Variants in PLXDC2 observed in about 807,000 individuals in gnomAD.
PLXDC2 encodes plexin domain containing 2, also known as plexin domain-containing protein 2.
In PLXDC2, 40 loss-of-function variants were observed where a neutral mutation model predicts 68.9. The ratio of observed to expected loss-of-function variants is 0.58; its 90% CI spans 0.45 to 0.76. The LOEUF is 0.76. Ranked by LOEUF, PLXDC2 falls within the 30% of genes least tolerant of loss-of-function variation. The probability of loss-of-function intolerance (pLI) is 0.00; values close to 1 mark genes in which losing one functional copy is unlikely to be tolerated. For missense variants in PLXDC2, 644 were observed against 661.9 expected, an observed-to-expected ratio of 0.97 and a Z score of 0.30; for synonymous variants, 243 against 234.2, an observed-to-expected ratio of 1.04 and a Z score of -0.34.
chr10:20,108,655 G>A (rs1024035203), intron 4 of PLXDC2, among the ~76,000 whole-genome samples: 1 of 152,158 alleles, frequency 6.6e-6, no homozygotes, highest in Admixed American at 6.5e-5. Flanking sequence ...GTTATTATCA[G>A]TATTAAATTT....
At chr10:20,100,303 T>G (rs1417646466) in intron 4 of PLXDC2, among the ~76,000 whole-genome samples, 1 of 152,180 alleles carries the variant, frequency 6.6e-6, no homozygotes, top group Non-Finnish European at 1.5e-5. Context: ...CAGAGGAGTT[T>G]GTAGTGAAGT....
At chr10:19,917,600 A>G (rs1833392160) in intron 1 of PLXDC2, among the ~76,000 whole-genome samples, 1 of 152,188 alleles carries the variant, frequency 6.6e-6, no homozygotes, top group Admixed American at 6.5e-5. Flanking sequence ...ACATATGTTC[A>G]GTCTGAATTT....
At chr10:20,068,356 C>A in intron 4 of PLXDC2, 117 bp downstream of exon 4, 1 of 923,354 alleles carries the variant, frequency 1.1e-6, no homozygotes, top group South Asian at 1.8e-5. Context: ...TGTGTTTTAT[C>A]ACAAAGTCAT....
intron 1 of PLXDC2, among the ~76,000 whole-genome samples, chr10:20,000,434 AG>A (rs780438336): frequency 9.2e-5 from 14 of 152,092 alleles, no homozygotes; most frequent in Non-Finnish European, 1.9e-4. Context: ...GGAAAGGTCT[AG>A]ATGGCAGACA....
intron 1 of PLXDC2, among the ~76,000 whole-genome samples, chr10:19,975,012 C>T (rs369833831): frequency 6.6e-6 from 1 of 152,156 alleles, no homozygotes; most frequent in South Asian, 2.1e-4. Context: ...GAGTTGTAAA[C>T]CATCATCGGC....
rs547573071 is a variant in PLXDC2, at chr10:19,911,432, G to A, written c.113-90343G>A. On this transcript the variant is annotated intron_variant, in intron 1 of 13. Transcript: ENST00000377252. ...AAACCTCCTTAGTTGTCTCATTCAAGTTCTCTAAGGTTACTGTTTTGCCAT... is the reference window on the plus strand; with the variant it reads ...AAACCTCCTTAGTTGTCTCATTCAAATTCTCTAAGGTTACTGTTTTGCCAT... 7.2e-5 allele frequency among the ~76,000 whole-genome samples: 11 copies of A among 152,040 alleles called. No individual in the cohort carries two copies. The South Asian group carries it at 2.3e-3, about 32-fold the overall frequency.
intron 1 of PLXDC2, among the ~76,000 whole-genome samples, chr10:19,825,169 C>T (rs1836547632): frequency 6.6e-6 from 1 of 152,136 alleles, no homozygotes; most frequent in African/African-American, 2.4e-5. Flanking sequence ...TTCCTTTTTA[C>T]TTGTCTGGAA....
chr10:19,970,147 T>C (rs1437291198), intron 1 of PLXDC2, among the ~76,000 whole-genome samples: 1 of 152,216 alleles, frequency 6.6e-6, no homozygotes, highest in Admixed American at 6.5e-5. Flanking sequence ...TACTAGGCAT[T>C]ATTCTCTTCT....
chr10:20,287,882 C>G lies in PLXDC2; in HGVS notation c.*8063C>G, dbSNP rs1348597974. ...ATGCCAGCTGGGATCATGGGAACTT[C>G]GAATGCCAGGAATTTACTACTGTTT... is the stretch of plus-strand genomic sequence containing the variant. On this transcript the variant is annotated 3_prime_UTR_variant, in exon 14 of 14. Transcript: ENST00000377252. 1 of 148,382 alleles carries G rather than the reference C, an allele frequency of 6.7e-6. No individual in the cohort carries two copies. Among genetic ancestry groups the G allele is most frequent in the Non-Finnish European group, 1.5e-5 (1 of 67,768 alleles). 9.2% of individuals were successfully genotyped at this position (148,382 alleles called of 1,614,324 possible).
In PLXDC2 at chr10:19,953,911, C is replaced by T. The variant is rs541803163; in HGVS notation, c.113-47864C>T. Among the ~76,000 whole-genome samples the T allele has an allele frequency of 5.7e-4, 87 of 151,760 alleles. 1 individual carries two copies. The highest frequency in any genetic ancestry group is 2.0e-3 in the African/African-American group (83 of 41,388). On this transcript the variant is annotated intron_variant, in intron 1 of 13. Coordinates refer to ENST00000377252, the MANE Select transcript of PLXDC2 (RefSeq NM_032812.9). The stretch of plus-strand genomic sequence containing the variant: ...CAAGCCTTGGTGATTGTTTTAATTT[C>T]AAAGAGTCTGGAAATGAAAGTGACA...
chr10:19,853,112 A>C lies in PLXDC2; in HGVS notation c.112+35921A>C, dbSNP rs77708143. Among the ~76,000 whole-genome samples the C allele has an allele frequency of 3.2e-4, 48 of 152,360 alleles. No individual in the cohort carries two copies. The East Asian group carries it at 6.4e-3, about 20-fold the overall frequency. ...TACAGATAAAGATAATACAGAAAATAGAGTACAGTTTTAAAAGGCTGAAGG... is the reference window on the plus strand; with the variant it reads ...TACAGATAAAGATAATACAGAAAATCGAGTACAGTTTTAAAAGGCTGAAGG... On this transcript the variant is annotated intron_variant, in intron 1 of 13. Transcript: ENST00000377252.
intron 4 of PLXDC2, among the ~76,000 whole-genome samples, chr10:20,092,197 T>C (rs1833288735): frequency 6.6e-6 from 1 of 152,106 alleles, no homozygotes; most frequent in Non-Finnish European, 1.5e-5. Context: ...GCATAAGTAA[T>C]TGAGGGGCAG....
chr10:20,118,583 A>T (rs548144516), intron 4 of PLXDC2, among the ~76,000 whole-genome samples: 1 of 152,328 alleles, frequency 6.6e-6, no homozygotes, highest in African/African-American at 2.4e-5. Flanking sequence ...TCCATAGTGT[A>T]GCTCTTCTTT....
At chr10:19,885,260 G>C (rs1475481194) in intron 1 of PLXDC2, among the ~76,000 whole-genome samples, 1 of 151,348 alleles carries the variant, frequency 6.6e-6, no homozygotes, top group East Asian at 1.9e-4. Context: ...TTAGCCCTTT[G>C]TCAGATGAGT....
chr10:19,987,170 G>A (rs971594344), intron 1 of PLXDC2, among the ~76,000 whole-genome samples: 15 of 152,176 alleles, frequency 9.9e-5, no homozygotes, highest in African/African-American at 3.4e-4. Context: ...AGCCTAGAGA[G>A]ATGACCCCTG....
At chr10:20,242,287 G>C (rs929629943) in intron 12 of PLXDC2, among the ~76,000 whole-genome samples, 1 of 152,252 alleles carries the variant, frequency 6.6e-6, no homozygotes, top group East Asian at 1.9e-4. Flanking sequence ...ATATATTGTT[G>C]TGAATCTGAC....
At chr10:19,831,759 A>G (rs555949635) in intron 1 of PLXDC2, among the ~76,000 whole-genome samples, 24 of 152,284 alleles carry the variant, frequency 1.6e-4, no homozygotes, top group Admixed American at 1.1e-3. Context: ...ATATGATCTC[A>G]TTCTTTTTTG....
intron 1 of PLXDC2, among the ~76,000 whole-genome samples, chr10:19,879,871 C>T (rs560202603): frequency 7.2e-5 from 11 of 152,206 alleles, no homozygotes; most frequent in African/African-American, 2.6e-4. Context: ...TTGGAAACCC[C>T]TAATCTAGGG....
intron 4 of PLXDC2, among the ~76,000 whole-genome samples, chr10:20,120,133 A>G (rs1016745419): frequency 1.2e-4 from 18 of 152,224 alleles, no homozygotes; most frequent in Middle Eastern, 3.4e-3. Context: ...GAGAACGGTG[A>G]ATAGGAGTAT....
Sources: allele counts gnomAD v4.1 joint callset (sites outside exome capture counted in the v4.1 genomes callset), GRCh38; gene constraint gnomAD v4.1.1; transcripts MANE v1.5; gene names NCBI Gene and HGNC (gene_info 2026-07-23, HGNC 2026-07-21).